TCF20: variants seen among roughly 807,000 people sequenced by gnomAD.
The protein encoded by TCF20 is SPRE-binding protein.
In TCF20, 3 loss-of-function variants were observed where a neutral mutation model predicts 148.6. That is an observed-to-expected ratio of 0.02 (90% confidence interval 0.01 to 0.05). The LOEUF (loss-of-function observed/expected upper bound fraction) is 0.05. TCF20 is among the 10% of genes least tolerant of loss of function. The pLI is 1.00. For missense variants in TCF20, 2,350 were observed against 2,429.3 expected, an observed-to-expected ratio of 0.97 and a Z score of 0.69; for synonymous variants, 1,049 against 909.5, an observed-to-expected ratio of 1.15 and a Z score of -2.76.
chr22:42,245,180 C>T (rs1046671850), intron 1 of TCF20, among the ~76,000 whole-genome samples: 1 of 152,146 alleles, frequency 6.6e-6, no homozygotes, highest in Non-Finnish European at 1.5e-5. Flanking sequence ...TAGTCTTCCC[C>T]TTTAGTTATC....
chr22:42,277,670 G>A (rs112203656), intron 1 of TCF20, among the ~76,000 whole-genome samples: 13 of 152,324 alleles, frequency 8.5e-5, no homozygotes, highest in African/African-American at 2.9e-4. Context: ...AGGCCACAGA[G>A]GCTTTGCGAC....
At chr22:42,288,709 C>T (rs1325007642), upstream of TCF20, among the ~76,000 whole-genome samples, 20 of 108,980 alleles carry the variant, frequency 1.8e-4, no homozygotes, top group African/African-American at 7.5e-4. Flanking sequence ...TTTTGAGACC[C>T]TGTATCAAAA....
rs534645087 is a variant in TCF20, at chr22:42,215,765, C to T, written c.-36-424G>A. On this transcript the variant is annotated intron_variant, in intron 1 of 5. Transcript: ENST00000677622. ...GAATTACAGGCATGAGCCACCACGC[C>T]TGACCTTGAATTTCATCTTTTATAT... Among the ~76,000 whole-genome samples the T allele has an allele frequency of 7.6e-4, 115 of 152,248 alleles. 3 individuals are homozygous for T. In the South Asian group the frequency reaches 0.019, roughly 25 times the overall value.
chr22:42,210,043 T>G lies in TCF20; in HGVS notation c.5263A>C (p.Ser1755Arg), dbSNP rs987449243. The change falls in exon 2 of 6, where the codon AGT becomes CGT. Residue 1755 changes from serine to arginine, a missense_variant. Physicochemically the swap from Ser to Arg is moderately radical, Grantham distance 110. Transcript: ENST00000677622. The surrounding 1 kb of genome is among the most constrained non-coding windows in gnomAD (Gnocchi z 4.7). ...TCCGTCTTGGAGCCATTAGAAGCAC[T>G]TTTGTGCCGTACCTTAACTTTGCTC... ...MQSKVKVRHK[S>R]ASNGSKTDTE... is the part of the protein sequence containing the mutation. 1.9e-6 allele frequency: 3 copies of G among 1,613,072 alleles called. No individual in the cohort carries two copies. Among genetic ancestry groups the G allele is most frequent in the Middle Eastern group, 3.3e-4 (2 of 6,062 alleles).
intron 2 of TCF20, among the ~76,000 whole-genome samples, chr22:42,185,255 G>A (rs1936989408): frequency 6.6e-6 from 1 of 152,138 alleles, no homozygotes; most frequent in African/African-American, 2.4e-5. Context: ...CTCTTATCCA[G>A]CATGGCACAC....
At position 42,160,448 on chromosome 22, in the gene TCF20, G is replaced by C. The variant is rs1050001950; in HGVS notation, c.*955C>G. ...GGCCTGGACCTCCTCCCATCCCCAC[G>C]GGTCCCTGTGGGTCAGGGCACAGCT... On this transcript the variant is annotated 3_prime_UTR_variant, in exon 6 of 6. Transcript: ENST00000677622. 1 of 152,446 alleles carries C rather than the reference G, an allele frequency of 6.6e-6. No homozygotes were observed. Among genetic ancestry groups the C allele is most frequent in the African/African-American group, 2.4e-5 (1 of 41,356 alleles). 9.4% of individuals were successfully genotyped at this position (152,446 alleles called of 1,614,324 possible).
Sources: allele counts gnomAD v4.1 joint callset (sites outside exome capture counted in the v4.1 genomes callset), GRCh38; gene constraint gnomAD v4.1.1; non-coding constraint Gnocchi (gnomAD v3.1); transcripts MANE v1.5; gene names NCBI Gene and HGNC (gene_info 2026-07-23, HGNC 2026-07-21).